The following FRMD3 variants were observed in gnomAD, a reference collection of about 807,000 sequenced individuals.
The protein encoded by FRMD3 is FERM domain containing 3, also known as FERM domain-containing protein 3.
A neutral mutation model predicts 70.2 loss-of-function variants in FRMD3; 33 were observed. The observed-to-expected ratio is 0.47, with a 90% CI of 0.36 to 0.63. The LOEUF is 0.63. FRMD3 is among the 20% of genes least tolerant of loss of function. The pLI is 0.00. For missense variants in FRMD3, 632 were observed against 711.4 expected (o/e 0.89, Z 1.27); for synonymous variants, 279 against 255.9 (o/e 1.09, Z -0.86).
chr9:83,426,337 T>G (rs1272077629), intron 1 of FRMD3, among the ~76,000 whole-genome samples: 1 of 152,198 alleles, frequency 6.6e-6, no homozygotes, highest in Non-Finnish European at 1.5e-5. Flanking sequence ...GTTGAGCATC[T>G]CCTACATGTT....
At chr9:83,533,965 G>A (rs1298937486) in intron 1 of FRMD3, among the ~76,000 whole-genome samples, 2 of 152,176 alleles carry the variant, frequency 1.3e-5, no homozygotes, top group Non-Finnish European at 2.9e-5. Context: ...TCATTAGCAA[G>A]GGTTGTGAAT....
At chr9:83,289,780 G>A (rs747832816) in intron 13 of FRMD3, among the ~76,000 whole-genome samples, 4 of 152,090 alleles carry the variant, frequency 2.6e-5, no homozygotes, top group African/African-American at 9.7e-5. Flanking sequence ...GTGTGCATTT[G>A]TTTTCAATTT....
At chr9:83,424,409 G>A (rs113961260) in intron 1 of FRMD3, among the ~76,000 whole-genome samples, 2 of 152,120 alleles carry the variant, frequency 1.3e-5, no homozygotes, top group African/African-American at 2.4e-5. Context: ...CTCTATCTTC[G>A]CTACACTATC....
intron 2 of FRMD3, among the ~76,000 whole-genome samples, chr9:83,373,645 A>G (rs1262142038): frequency 6.9e-5 from 3 of 43,534 alleles, no homozygotes; most frequent in African/African-American, 2.5e-4. Context: ...GCACATACAA[A>G]GATCACTTCG....
intron 1 of FRMD3, among the ~76,000 whole-genome samples, chr9:83,501,678 G>C: frequency 6.6e-6 from 1 of 152,182 alleles, no homozygotes; most frequent in East Asian, 1.9e-4. Flanking sequence ...ATGAAAACCT[G>C]TATTTGCTGC....
At chr9:83,523,450 T>A (rs1277309808) in intron 1 of FRMD3, among the ~76,000 whole-genome samples, 1 of 152,200 alleles carries the variant, frequency 6.6e-6, no homozygotes, top group East Asian at 1.9e-4. Context: ...AAATGTTTTA[T>A]ATTTTATATT....
chr9:83,426,869 A>G (rs1826826182), intron 1 of FRMD3, among the ~76,000 whole-genome samples: 1 of 152,220 alleles, frequency 6.6e-6, no homozygotes, highest in African/African-American at 2.4e-5. Flanking sequence ...CAGGTGGTCC[A>G]GACAAGCTTC....
chr9:83,252,333 T>C (rs1183621070), intron 13 of FRMD3, among the ~76,000 whole-genome samples: 1 of 152,180 alleles, frequency 6.6e-6, no homozygotes, highest in Non-Finnish European at 1.5e-5. Flanking sequence ...AGGGAATTTG[T>C]CACCACTGTA....
chr9:83,356,316 C>T (rs1175400089), intron 3 of FRMD3, among the ~76,000 whole-genome samples: 1 of 137,940 alleles, frequency 7.2e-6, no homozygotes, highest in African/African-American at 2.9e-5. Flanking sequence ...TGCTCTGTCG[C>T]CCAGGCTGGA....
the FRMD3 span, among the ~76,000 whole-genome samples, chr9:83,547,279 AT>A: frequency 6.7e-6 from 1 of 148,584 alleles, no homozygotes; most frequent in Non-Finnish European, 1.5e-5. Flanking sequence ...CTTCTTTGTC[AT>A]TATATAATAT....
In FRMD3 at chr9:83,458,688, A is replaced by T. The variant is rs564443575; in HGVS notation, c.148-68980T>A. Among the ~76,000 whole-genome samples the T allele has an allele frequency of 1.4e-4, 22 of 152,366 alleles. 1 individual carries two copies. The highest frequency in any genetic ancestry group is 5.3e-4 in the African/African-American group (22 of 41,588). On this transcript the variant is annotated intron_variant, in intron 1 of 13. Transcript: ENST00000304195. ...GAAATGAAAAGCAAGGAGATTCAGA[A>T]AACAAGAAGAGTACATCTACAAACT...
At chr9:83,545,356 G>GTTTTTTTTTTT in the FRMD3 span, among the ~76,000 whole-genome samples, 63 of 117,582 alleles carry the variant, frequency 5.4e-4, no homozygotes, top group Non-Finnish European at 8.1e-4. Flanking sequence ...GTTTTTTTTT[G>GTTTTTTTTTTT]TTTTTTTTTT....
chr9:83,585,326 A>G, the FRMD3 span, among the ~76,000 whole-genome samples: 56 of 152,330 alleles, frequency 3.7e-4, no homozygotes, highest in Middle Eastern at 3.4e-3. Context: ...CCAACCAGTA[A>G]GGGGGCAGTC....
At chr9:83,564,447 G>A in the FRMD3 span, among the ~76,000 whole-genome samples, 9,454 of 152,238 alleles carry the variant, frequency 0.062, 426 homozygotes, top group Non-Finnish European at 0.085. Context: ...GCATATTTAC[G>A]TGAATATTAA....
intron 12 of FRMD3, among the ~76,000 whole-genome samples, chr9:83,292,249 C>T (rs1032739542): frequency 2.1e-4 from 32 of 151,282 alleles, no homozygotes; most frequent in African/African-American, 7.8e-4. Flanking sequence ...ACCTCTGCCT[C>T]CTGGGTTCAA....
chr9:83,455,422 A>G lies in FRMD3; in HGVS notation c.148-65714T>C, dbSNP rs924567600. 2.0e-5 allele frequency among the ~76,000 whole-genome samples: 3 copies of G among 152,138 alleles called. No homozygotes were observed. The East Asian group carries it at 5.8e-4, about 29-fold the overall frequency. Reference sequence around the variant, plus strand: ...GGCTGGTCTTTCCCGTGCCATTCTCATGATAGTGAATTAAGTCTCACGTGC... The same window carrying G: ...GGCTGGTCTTTCCCGTGCCATTCTCGTGATAGTGAATTAAGTCTCACGTGC... On this transcript the variant is annotated intron_variant, in intron 1 of 13. Coordinates refer to ENST00000304195, the MANE Select transcript of FRMD3 (RefSeq NM_174938.6).
chr9:83,457,417 T>A (rs887528963), intron 1 of FRMD3, among the ~76,000 whole-genome samples: 2 of 152,158 alleles, frequency 1.3e-5, no homozygotes, highest in Non-Finnish European at 2.9e-5. Context: ...CACACCCTCA[T>A]TGACCCCATG....
chr9:83,491,587 C>T (rs1470853490), intron 1 of FRMD3, among the ~76,000 whole-genome samples: 2 of 152,160 alleles, frequency 1.3e-5, no homozygotes, highest in Admixed American at 6.5e-5. Context: ...CATCCAGAGT[C>T]ACTTGTCTGG....
In FRMD3 at chr9:83,340,896, T is replaced by C. The variant is rs568553905; in HGVS notation, c.472+2294A>G. 4.6e-5 allele frequency among the ~76,000 whole-genome samples: 7 copies of C among 152,178 alleles called. No individual in the cohort carries two copies. In the East Asian group the frequency reaches 5.8e-4, roughly 13 times the overall value. ...CAGGTGTGCACCACCACATCCAACT[T>C]GATTGACTGTTTTTTATAAACTCAG... On this transcript the variant is annotated intron_variant, in intron 5 of 13. Coordinates refer to ENST00000304195, the MANE Select transcript of FRMD3 (RefSeq NM_174938.6).
Sources: gnomAD v4.1 joint callset for allele counts (sites outside exome capture counted in the v4.1 genomes callset) on GRCh38, gnomAD v4.1.1 for gene constraint, MANE v1.5 for transcripts, NCBI Gene and HGNC (gene_info 2026-07-23, HGNC 2026-07-21) for gene names.